CNTN5: variants seen among roughly 807,000 people sequenced by gnomAD.
CNTN5 encodes contactin 5, also known as contactin-5.
A neutral mutation model predicts 129.1 loss-of-function variants in CNTN5; 77 were observed. That is an observed-to-expected ratio of 0.60 (90% CI 0.50 to 0.72). The LOEUF is 0.72. Ranked by LOEUF, CNTN5 falls within the 30% of genes least tolerant of loss-of-function variation. The pLI is 0.00. For synonymous variants in CNTN5, 509 were observed against 465.6 expected (o/e 1.09, Z -1.20); for missense variants, 1,478 against 1,328.8 (o/e 1.11, Z -1.75).
At chr11:99,085,969 G>A (rs1865990202) in intron 1 of CNTN5, among the ~76,000 whole-genome samples, 1 of 152,250 alleles carries the variant, frequency 6.6e-6, no homozygotes, top group South Asian at 2.1e-4. Flanking sequence ...GTAACACACT[G>A]TAACAGATTT....
At chr11:100,089,125 T>A (rs1430639364) in intron 13 of CNTN5, among the ~76,000 whole-genome samples, 2 of 152,150 alleles carry the variant, frequency 1.3e-5, no homozygotes. Context: ...AACACATGTA[T>A]GTCTTCTTTT....
At chr11:99,179,975 A>C (rs1193543091) in intron 1 of CNTN5, among the ~76,000 whole-genome samples, 1 of 152,136 alleles carries the variant, frequency 6.6e-6, no homozygotes, top group Admixed American at 6.5e-5. Context: ...TATTCTCTCT[A>C]TATCTCCCTG....
chr11:99,814,807 A>G (rs186482290), intron 3 of CNTN5, among the ~76,000 whole-genome samples: 11 of 152,314 alleles, frequency 7.2e-5, no homozygotes, highest in African/African-American at 2.6e-4. Context: ...ACCCTGCTAT[A>G]GAGAACGTCT....
rs190205062 is a variant in CNTN5 at position 99,482,983 on chromosome 11, G to A, written c.-70-73162G>A. ...TAGATCAAGAGACCGAGGCCATCTT[G>A]GCCAATATGGTTAAAGCCTGTCTCT... is the stretch of plus-strand genomic sequence containing the variant. On this transcript the variant is annotated intron_variant, in intron 2 of 24. Transcript: ENST00000524871. 3.3e-5 allele frequency among the ~76,000 whole-genome samples: 5 copies of A among 151,926 alleles called. No individual in the cohort carries two copies. In the East Asian group the frequency reaches 9.7e-4, roughly 30 times the overall value.
intron 1 of CNTN5, among the ~76,000 whole-genome samples, chr11:99,118,432 G>A (rs1015132545): frequency 6.6e-6 from 1 of 152,018 alleles, no homozygotes; most frequent in Non-Finnish European, 1.5e-5. Context: ...AGTACACATT[G>A]GAGAGTGAAT....
At chr11:99,713,531 C>G (rs141900544) in intron 3 of CNTN5, among the ~76,000 whole-genome samples, 1 of 151,622 alleles carries the variant, frequency 6.6e-6, no homozygotes, top group East Asian at 2.0e-4. Context: ...TTCCTTAAGC[C>G]CATCCTCTAT....
At chr11:99,662,653 AGT>A (rs1271719351) in intron 3 of CNTN5, among the ~76,000 whole-genome samples, 1 of 152,188 alleles carries the variant, frequency 6.6e-6, no homozygotes. Context: ...AAAATACTTC[AGT>A]GTGTGTATTT....
At chr11:99,606,426 C>A (rs1225185848) in intron 3 of CNTN5, among the ~76,000 whole-genome samples, 1 of 142,892 alleles carries the variant, frequency 7.0e-6, no homozygotes, top group South Asian at 2.4e-4. Flanking sequence ...AACTACAAAC[C>A]ACTGCTCAAG....
intron 3 of CNTN5, among the ~76,000 whole-genome samples, chr11:99,790,003 C>T (rs1216927862): frequency 6.6e-6 from 1 of 151,878 alleles, no homozygotes; most frequent in African/African-American, 2.4e-5. Flanking sequence ...TGTTTAGCTC[C>T]CACTTATAAG....
intron 1 of CNTN5, among the ~76,000 whole-genome samples, chr11:99,208,120 A>C (rs538480130): frequency 7.9e-5 from 12 of 152,322 alleles, no homozygotes; most frequent in African/African-American, 2.9e-4. Flanking sequence ...CTGAATGGTC[A>C]TTGGGTGCGT....
Position 100,299,401 on chromosome 11 carries a change from G to GT in CNTN5, c.2620+12dup. 3.9e-6 allele frequency: 6 copies of GT among 1,529,124 alleles called. No homozygotes were observed. Among genetic ancestry groups the GT allele is most frequent in the Non-Finnish European group, 5.4e-6 (6 of 1,120,958 alleles). 94.7% of individuals were successfully genotyped at this position (1,529,124 alleles called of 1,614,324 possible). A position where few individuals can be genotyped will look rare whatever the true frequency, so the allele number is the denominator to read the frequency against. On this transcript the variant is annotated splice_donor_region_variant and intron_variant, in intron 20 of 24. Transcript: ENST00000524871. ...TCATCTGTTCAGCTGAAGGAGGTCA[G>GT]TTTTTTTATTCCTATTATTTTTATT...
At chr11:99,400,441 G>A (rs939798442) in intron 2 of CNTN5, among the ~76,000 whole-genome samples, 1 of 152,016 alleles carries the variant, frequency 6.6e-6, no homozygotes, top group African/African-American at 2.4e-5. Flanking sequence ...TCATTGTGTA[G>A]GAGTACCACA....
intron 2 of CNTN5, among the ~76,000 whole-genome samples, chr11:99,469,337 G>A (rs909055596): frequency 3.9e-5 from 6 of 152,048 alleles, no homozygotes; most frequent in Admixed American, 2.0e-4. Flanking sequence ...CTATTCTACA[G>A]TTTTATTTCT....
rs191953013 is a variant in CNTN5, at chr11:99,943,409, G to C, written c.674-13397G>C. On this transcript the variant is annotated intron_variant, in intron 7 of 24. Transcript: ENST00000524871. Reference sequence around the variant, plus strand: ...TGTTTTTTCTTGTAAATTTGTTTAAGTTCCTTGTAGATTCTGGATATTAGA... The same window carrying C: ...TGTTTTTTCTTGTAAATTTGTTTAACTTCCTTGTAGATTCTGGATATTAGA... 4.1e-3 allele frequency among the ~76,000 whole-genome samples: 622 copies of C among 152,110 alleles called. 2 individuals are homozygous for C. The highest frequency in any genetic ancestry group is 0.014 in the African/African-American group (595 of 41,500).
chr11:99,317,936 A>T (rs964110734), intron 1 of CNTN5, among the ~76,000 whole-genome samples: 1 of 152,084 alleles, frequency 6.6e-6, no homozygotes, highest in African/African-American at 2.4e-5. Context: ...TTGTCTCCAC[A>T]TGCACTTTTC....
intron 1 of CNTN5, among the ~76,000 whole-genome samples, chr11:99,024,182 T>C (rs1385253836): frequency 1.3e-5 from 2 of 152,166 alleles, no homozygotes; most frequent in Non-Finnish European, 2.9e-5. Context: ...TATTATGAAC[T>C]ATATTCCATC....
intron 1 of CNTN5, among the ~76,000 whole-genome samples, chr11:99,025,102 A>C (rs917540838): frequency 1.3e-5 from 2 of 151,978 alleles, no homozygotes; most frequent in Non-Finnish European, 2.9e-5. Flanking sequence ...TTCTCATAAC[A>C]GATCCGACAG....
At chr11:99,693,693 A>C (rs1309449080) in intron 3 of CNTN5, among the ~76,000 whole-genome samples, 2 of 152,190 alleles carry the variant, frequency 1.3e-5, no homozygotes, top group African/African-American at 4.8e-5. Flanking sequence ...TTTCTGAAAT[A>C]GAAATACCAA....
intron 16 of CNTN5, among the ~76,000 whole-genome samples, chr11:100,248,371 C>T (rs1451738150): frequency 1.3e-5 from 2 of 151,788 alleles, no homozygotes; most frequent in Non-Finnish European, 2.9e-5. Context: ...ATAGAGAGAC[C>T]CCATCTCTAT....
Sources: gnomAD v4.1 joint callset for allele counts (sites outside exome capture counted in the v4.1 genomes callset) on GRCh38, gnomAD v4.1.1 for gene constraint, MANE v1.5 for transcripts, NCBI Gene and HGNC (gene_info 2026-07-23, HGNC 2026-07-21) for gene names.